RGS5: variants seen among roughly 807,000 people sequenced by gnomAD.
RGS5 encodes regulator of G protein signaling 5.
Under a neutral mutation model 18.9 loss-of-function variants are expected in RGS5, and 20 were observed. The observed-to-expected ratio is 1.06, with a 90% confidence interval of 0.74 to 1.54. RGS5 has a LOEUF of 1.54. Among genes scored for constraint, RGS5 ranks in the 40% most tolerant of loss-of-function variants. The pLI is 0.00. For missense variants in RGS5, 201 were observed against 211.8 expected (o/e 0.95, Z 0.32); for synonymous variants, 57 against 76.2 (o/e 0.75, Z 1.31).
At chr1:163,277,402 C>A (rs1648884069) in intron 2 of RGS5, among the ~76,000 whole-genome samples, 1 of 152,176 alleles carries the variant, frequency 6.6e-6, no homozygotes, top group Non-Finnish European at 1.5e-5. Context: ...CCAAAATAAA[C>A]TTTCTAAATT....
intron 2 of RGS5, among the ~76,000 whole-genome samples, chr1:163,233,879 G>A (rs147991154): frequency 6.6e-6 from 1 of 152,326 alleles, no homozygotes; most frequent in African/African-American, 2.4e-5. Flanking sequence ...GATCAGTTAG[G>A]GTGGGGCAGG....
intron 2 of RGS5, among the ~76,000 whole-genome samples, chr1:163,255,347 T>C (rs1194839465): frequency 6.6e-6 from 1 of 152,142 alleles, no homozygotes; most frequent in Admixed American, 6.5e-5. Context: ...GCAGTTCTCC[T>C]TGAGAAAATC....
At chr1:163,270,169 C>A (rs118089055) in intron 2 of RGS5, among the ~76,000 whole-genome samples, 2 of 152,106 alleles carry the variant, frequency 1.3e-5, no homozygotes, top group African/African-American at 4.8e-5. Flanking sequence ...TTCCTCTAAT[C>A]GCTCAGAGAT....
intron 2 of RGS5, among the ~76,000 whole-genome samples, chr1:163,291,238 C>A (rs76469944): frequency 1.3e-5 from 2 of 151,898 alleles, no homozygotes; most frequent in Non-Finnish European, 2.9e-5. Context: ...TGAAGTTTTG[C>A]GTTTGCAAAA....
chr1:163,305,471 C>G lies in RGS5; in HGVS notation c.-281+762G>C, dbSNP rs141935351. On this transcript the variant is annotated intron_variant, in intron 2 of 5. Coordinates refer to the RGS5 transcript ENST00000618415. ...GAGATTCCGCACCCCACCCCAACCACTGTATCTTTTCACACAGAGCTTCAG... is the reference window on the plus strand; with the variant it reads ...GAGATTCCGCACCCCACCCCAACCAGTGTATCTTTTCACACAGAGCTTCAG... Among the ~76,000 whole-genome samples the G allele has an allele frequency of 1.4e-4, 21 of 152,366 alleles. No individual in the cohort carries two copies. The East Asian group carries it at 2.7e-3, about 20-fold the overall frequency.
At chr1:163,204,225 T>C (rs955992570), upstream of RGS5, among the ~76,000 whole-genome samples, 3 of 152,152 alleles carry the variant, frequency 2.0e-5, no homozygotes, top group Non-Finnish European at 4.4e-5. Context: ...ATTATCAATA[T>C]GTAAGTGTGC....
chr1:163,233,703 G>T (rs185765145), intron 2 of RGS5, among the ~76,000 whole-genome samples: 10 of 152,130 alleles, frequency 6.6e-5, no homozygotes, highest in African/African-American at 2.4e-4. Flanking sequence ...TTGCAGGCAG[G>T]GGGTGGATCT....
intron 4 of RGS5, among the ~76,000 whole-genome samples, chr1:163,147,928 T>C (rs1357295512): frequency 7.2e-6 from 1 of 137,966 alleles, no homozygotes; most frequent in African/African-American, 2.7e-5. Context: ...CTTTTTTTTT[T>C]TTTTTTTTTT....
At chr1:163,239,960 T>C (rs1299306337) in intron 2 of RGS5, among the ~76,000 whole-genome samples, 1 of 152,210 alleles carries the variant, frequency 6.6e-6, no homozygotes, top group Non-Finnish European at 1.5e-5. Context: ...CTATGATGTG[T>C]TCATTCTTAT....
chr1:163,154,000 AT>A (rs929731894), intron 3 of RGS5, among the ~76,000 whole-genome samples: 4 of 152,144 alleles, frequency 2.6e-5, no homozygotes, highest in African/African-American at 9.7e-5. Context: ...CATGTTTCGA[AT>A]GTCACTTTGC....
At chr1:163,231,396 AAG>A (rs1478982408) in intron 2 of RGS5, among the ~76,000 whole-genome samples, 1 of 152,188 alleles carries the variant, frequency 6.6e-6, no homozygotes, top group Admixed American at 6.5e-5. Flanking sequence ...GGAAAAAGAC[AAG>A]AGTTTGTGAT....
At chr1:163,261,986 T>C (rs1160542344) in intron 2 of RGS5, among the ~76,000 whole-genome samples, 1 of 152,002 alleles carries the variant, frequency 6.6e-6, no homozygotes, top group Non-Finnish European at 1.5e-5. Context: ...GACAATGATA[T>C]TCTTGAGCAA....
intron 2 of RGS5, among the ~76,000 whole-genome samples, chr1:163,286,324 C>T (rs73035717): frequency 0.21 from 32,409 of 151,814 alleles, 3,694 homozygotes; most frequent in African/African-American, 0.3. Flanking sequence ...TTAGTATCCT[C>T]GGGGAGTAGG....
intron 1 of RGS5, among the ~76,000 whole-genome samples, chr1:163,317,023 C>CT (rs887357451): frequency 2.8e-4 from 42 of 151,646 alleles, no homozygotes; most frequent in Non-Finnish European, 4.6e-4. Flanking sequence ...ATAACATAAA[C>CT]TTTTTTTTTG....
At chr1:163,168,407 T>C (rs1658152203) in intron 1 of RGS5, 39 bp from the exon 2 acceptor site, 6 of 1,386,936 alleles carry the variant, frequency 4.3e-6, no homozygotes, top group East Asian at 2.3e-5. Context: ...GGACACCACA[T>C]GTGCATACAG....
intron 2 of RGS5, among the ~76,000 whole-genome samples, chr1:163,272,428 A>G (rs1320399937): frequency 6.6e-6 from 1 of 152,100 alleles, no homozygotes; most frequent in Non-Finnish European, 1.5e-5. Flanking sequence ...AAAATTCACT[A>G]ATTTTTTTCT....
intron 1 of RGS5, among the ~76,000 whole-genome samples, chr1:163,208,467 A>G (rs1660009166): frequency 7.4e-6 from 1 of 134,824 alleles, no homozygotes. Context: ...GCAGTGAGCT[A>G]TGATAGTGTA....
intron 2 of RGS5, among the ~76,000 whole-genome samples, chr1:163,299,121 A>T (rs1192198841): frequency 6.6e-6 from 1 of 152,224 alleles, no homozygotes; most frequent in Non-Finnish European, 1.5e-5. Flanking sequence ...TGAATAGTAT[A>T]GACATGTGAA....
intron 1 of RGS5, among the ~76,000 whole-genome samples, chr1:163,172,123 A>T (rs1571237049): frequency 6.6e-6 from 1 of 152,214 alleles, no homozygotes; most frequent in Non-Finnish European, 1.5e-5. Context: ...GACAGCAGAA[A>T]GCCCATTCAA....
Sources: gnomAD v4.1 joint callset for allele counts (sites outside exome capture counted in the v4.1 genomes callset) on GRCh38, gnomAD v4.1.1 for gene constraint, MANE v1.5 for transcripts, NCBI Gene and HGNC (gene_info 2026-07-23, HGNC 2026-07-21) for gene names.